ZDHHC14: variants seen among roughly 807,000 people sequenced by gnomAD.
ZDHHC14 encodes zDHHC palmitoyltransferase 14.
Under a neutral mutation model 47.7 loss-of-function variants are expected in ZDHHC14, and 16 were observed. That is an observed-to-expected ratio of 0.34 (90% CI 0.23 to 0.51). ZDHHC14 has a LOEUF of 0.51. ZDHHC14 is among the 20% of genes least tolerant of loss of function. ZDHHC14 has a pLI of 0.97. For missense variants in ZDHHC14, 515 were observed against 662.5 expected (o/e 0.78, Z 2.44); for synonymous variants, 293 against 278.9 (o/e 1.05, Z -0.50).
intron 1 of ZDHHC14, among the ~76,000 whole-genome samples, chr6:157,469,137 T>C (rs1779295000): frequency 6.6e-6 from 1 of 152,210 alleles, no homozygotes; most frequent in African/African-American, 2.4e-5. Flanking sequence ...GCTGCCCACA[T>C]GTCCAGCATG....
At chr6:157,652,208 A>G (rs1777872347) in intron 7 of ZDHHC14, among the ~76,000 whole-genome samples, 1 of 152,122 alleles carries the variant, frequency 6.6e-6, no homozygotes, top group African/African-American at 2.4e-5. Context: ...TCCCGTCACA[A>G]GTGGTTTTTC....
chr6:157,647,440 C>T (rs1419591227), intron 7 of ZDHHC14, 72 bp downstream of exon 7: 12 of 1,233,282 alleles, frequency 9.7e-6, no homozygotes, highest in African/African-American at 1.5e-5. Context: ...TAGCACAGGC[C>T]GCCCGCCCTG....
chr6:157,571,446 C>T lies in ZDHHC14; in HGVS notation c.407-21542C>T, dbSNP rs191086429. On this transcript the variant is annotated intron_variant, in intron 2 of 8. Transcript: ENST00000359775. ...AAAAGTTTCTTTGAACGGAAACTCA[C>T]GATGCTATAAATAACAACAAAAACA... Among the ~76,000 whole-genome samples the T allele has an allele frequency of 4.9e-4, 74 of 152,292 alleles. 1 individual carries two copies. Among genetic ancestry groups the T allele is most frequent in the Non-Finnish European group, 9.6e-4 (65 of 68,028 alleles).
At chr6:157,639,778 C>G (rs1445329680) in intron 5 of ZDHHC14, among the ~76,000 whole-genome samples, 2 of 151,998 alleles carry the variant, frequency 1.3e-5, no homozygotes, top group Non-Finnish European at 2.9e-5. Flanking sequence ...GCCAAGAGTG[C>G]CTGGGGGAAA....
intron 2 of ZDHHC14, among the ~76,000 whole-genome samples, chr6:157,556,496 T>C (rs2047966): frequency 0.61 from 92,709 of 152,176 alleles, 29,591 homozygotes; most frequent in African/African-American, 0.82. Context: ...GCTGAGCTCA[T>C]GCCCTCACTG....
At chr6:157,589,467 T>C (rs1167546279) in intron 2 of ZDHHC14, among the ~76,000 whole-genome samples, 1 of 152,164 alleles carries the variant, frequency 6.6e-6, no homozygotes. Flanking sequence ...AATCCCCATG[T>C]GTCATGGGAG....
intron 1 of ZDHHC14, among the ~76,000 whole-genome samples, chr6:157,415,148 G>A (rs113188399): frequency 0.023 from 3,568 of 152,078 alleles, 141 homozygotes; most frequent in African/African-American, 0.082. Flanking sequence ...CTTTTCAATC[G>A]GTACATCTTG....
At chr6:157,570,010 G>A (rs778073697) in intron 2 of ZDHHC14, among the ~76,000 whole-genome samples, 1 of 152,066 alleles carries the variant, frequency 6.6e-6, no homozygotes, top group Non-Finnish European at 1.5e-5. Context: ...AAGAGCTTAG[G>A]ACCATAATAG....
intron 2 of ZDHHC14, among the ~76,000 whole-genome samples, chr6:157,561,506 C>T (rs147500081): frequency 2.6e-5 from 4 of 152,138 alleles, no homozygotes; most frequent in African/African-American, 9.7e-5. Flanking sequence ...CCGACGGGCG[C>T]GCATGTGAGA....
intron 3 of ZDHHC14, among the ~76,000 whole-genome samples, chr6:157,595,110 A>T (rs1401910157): frequency 8.0e-6 from 1 of 124,290 alleles, no homozygotes; most frequent in South Asian, 2.6e-4. Context: ...AAAACTTTTT[A>T]TTCATTTCTA....
At chr6:157,672,641 CGT>C in intron 8 of ZDHHC14, 81 bp from the exon 9 acceptor site, 1 of 503,002 alleles carries the variant, frequency 2.0e-6, no homozygotes, top group Non-Finnish European at 3.5e-6. Context: ...CCTCCCCGCC[CGT>C]GCCCTGTCCC....
At chr6:157,435,585 G>T (rs1184639234) in intron 1 of ZDHHC14, among the ~76,000 whole-genome samples, 1 of 151,748 alleles carries the variant, frequency 6.6e-6, no homozygotes, top group Non-Finnish European at 1.5e-5. Context: ...TTTTGCCCAG[G>T]CTGGAGTGCA....
chr6:157,464,857 C>T (rs1457862151), intron 1 of ZDHHC14, among the ~76,000 whole-genome samples: 1 of 152,182 alleles, frequency 6.6e-6, no homozygotes, highest in East Asian at 1.9e-4. Flanking sequence ...TCACAAATCT[C>T]TCTCGTACGT....
chr6:157,635,899 A>G (rs948371395), intron 5 of ZDHHC14, among the ~76,000 whole-genome samples: 2 of 152,138 alleles, frequency 1.3e-5, no homozygotes, highest in Non-Finnish European at 2.9e-5. Flanking sequence ...AGTTTTCCCT[A>G]TTGGCCCAGT....
rs1011907566 is a variant in ZDHHC14, at chr6:157,420,698, C to T, written c.245+38432C>T. On this transcript the variant is annotated intron_variant, in intron 1 of 8. Transcript: ENST00000359775. ...CTCTATAGAAGTAGGTTGCTCTCTA[C>T]GAGCATAGGTCAGAACTTGGTCACA... 1.2e-4 allele frequency among the ~76,000 whole-genome samples: 18 copies of T among 152,322 alleles called. 1 individual carries two copies. The highest frequency in any genetic ancestry group is 4.6e-4 in the Admixed American group (7 of 15,308).
At chr6:157,420,933 G>A (rs914994336) in intron 1 of ZDHHC14, among the ~76,000 whole-genome samples, 1 of 152,152 alleles carries the variant, frequency 6.6e-6, no homozygotes, top group Admixed American at 6.5e-5. Flanking sequence ...GCTCAGGGGA[G>A]GGCCTGAGGT....
chr6:157,667,925 T>C (rs1778624590), intron 8 of ZDHHC14, among the ~76,000 whole-genome samples: 1 of 152,336 alleles, frequency 6.6e-6, no homozygotes, highest in South Asian at 2.1e-4. Context: ...TGCACTACCC[T>C]TGGTTGGAAT....
At chr6:157,390,704 A>G (rs1039440616) in intron 1 of ZDHHC14, among the ~76,000 whole-genome samples, 2 of 151,964 alleles carry the variant, frequency 1.3e-5, no homozygotes, top group Non-Finnish European at 2.9e-5. Flanking sequence ...TTTATTTTGA[A>G]CATTTCTACA....
chr6:157,434,796 T>C (rs1015843143), intron 1 of ZDHHC14, among the ~76,000 whole-genome samples: 1 of 152,134 alleles, frequency 6.6e-6, no homozygotes, highest in African/African-American at 2.4e-5. Flanking sequence ...TTAGACTGTC[T>C]GTGGAGCTAT....
Sources: allele counts gnomAD v4.1 joint callset (sites outside exome capture counted in the v4.1 genomes callset), GRCh38; gene constraint gnomAD v4.1.1; transcripts MANE v1.5; gene names NCBI Gene and HGNC (gene_info 2026-07-23, HGNC 2026-07-21).